Variants in QPRT observed in about 807,000 individuals in gnomAD.
QPRT encodes the protein nicotinate-nucleotide pyrophosphorylase [carboxylating].
In QPRT, 17 loss-of-function variants were observed where a neutral mutation model predicts 19.8. The ratio of observed to expected loss-of-function variants is 0.86; its 90% CI spans 0.59 to 1.29. The LOEUF (loss-of-function observed/expected upper bound fraction) is 1.29. Ranked by LOEUF, QPRT falls within the 50% of genes most tolerant of loss-of-function variation. QPRT has a pLI of 0.00. For synonymous variants in QPRT, 178 were observed against 191.0 expected (o/e 0.93, Z 0.56); for missense variants, 336 against 405.1 (o/e 0.83, Z 1.46).
chr16:29,691,364 C>CA (rs537664108), intron 1 of QPRT, among the ~76,000 whole-genome samples: 13,467 of 51,586 alleles, frequency 0.26, 3,130 homozygotes, highest in East Asian at 0.38. Flanking sequence ...AGCTCTGCAT[C>CA]AAAAAAAAAA....
At position 29,697,473 on chromosome 16, in the gene QPRT, G is replaced by T. The variant is rs1373305358; in HGVS notation, c.*62G>T. ...AACGTGGCTCCTCAGGACCCTCTGG[G>T]TCACACATCTTTAGGGTCAGTGGCC... On this transcript the variant is annotated 3_prime_UTR_variant, in exon 4 of 4. Transcript: ENST00000395384. This position sits in a 1 kb window ranked among gnomAD's most constrained non-coding sequence, Gnocchi z 4.4. 1.3e-6 allele frequency: 2 copies of T among 1,511,140 alleles called. No individual in the cohort carries two copies. The highest frequency in any genetic ancestry group is 1.8e-6 in the Non-Finnish European group (2 of 1,113,858). 93.6% of individuals were successfully genotyped at this position (1,511,140 alleles called of 1,614,324 possible).
At chr16:29,680,477 C>A (rs1334228199) in intron 1 of QPRT, among the ~76,000 whole-genome samples, 1 of 152,132 alleles carries the variant, frequency 6.6e-6, no homozygotes, top group African/African-American at 2.4e-5. Context: ...AGGTGTCCTA[C>A]ACAGGGGTGG....
At chr16:29,691,592 C>T (rs1967336425) in intron 1 of QPRT, among the ~76,000 whole-genome samples, 1 of 151,932 alleles carries the variant, frequency 6.6e-6, no homozygotes, top group African/African-American at 2.4e-5. Context: ...GAAGCTGAGG[C>T]GAGAGGATTG....
Position 29,692,755 on chromosome 16 carries a change from A to T in QPRT, c.14-1909A>T, listed in dbSNP as rs549603891. 1.0e-3 allele frequency among the ~76,000 whole-genome samples: 156 copies of T among 151,732 alleles called. 1 individual carries two copies. The highest frequency in any genetic ancestry group is 3.7e-3 in the African/African-American group (152 of 41,422). On this transcript the variant is annotated intron_variant, in intron 1 of 3. Coordinates refer to ENST00000395384, the MANE Select transcript of QPRT (RefSeq NM_014298.6). ...GACAGAGCGAGACTCCGTCTCAAAAAAACAAATAAATAAATAAATCAGGTT... is the reference window on the plus strand; with the variant it reads ...GACAGAGCGAGACTCCGTCTCAAAATAACAAATAAATAAATAAATCAGGTT...
intron 1 of QPRT, among the ~76,000 whole-genome samples, chr16:29,690,692 G>C (rs554727013): frequency 6.6e-6 from 1 of 152,084 alleles, no homozygotes; most frequent in East Asian, 1.9e-4. Context: ...ATCAGTAGTT[G>C]GTTTCTTCTT....
In QPRT at chr16:29,694,796, A is replaced by T. The variant is rs1243764468; in HGVS notation, c.146A>T (p.Lys49Ile). 2.5e-6 allele frequency: 4 copies of T among 1,614,028 alleles called. No homozygotes were observed. Among genetic ancestry groups the T allele is most frequent in the East Asian group, 2.2e-5 (1 of 44,882 alleles). Residue 49 changes from lysine (K) to isoleucine (I), a missense_variant, in exon 2 of 4, where the codon AAA (lysine) becomes ATA (isoleucine). Coordinates refer to ENST00000395384, the MANE Select transcript of QPRT (RefSeq NM_014298.6). ...AGPSQAALWA[K>I]SPGVLAGQPF... Reference sequence around the variant, plus strand: ...CCCTCGCAGGCGGCGCTGTGGGCCAAATCCCCTGGGGTACTGGCAGGGCAG... The same window carrying T: ...CCCTCGCAGGCGGCGCTGTGGGCCATATCCCCTGGGGTACTGGCAGGGCAG...
chr16:29,696,945 T>A, intron 2 of QPRT, 51 bp from the exon 3 acceptor site: 1 of 1,525,766 alleles, frequency 6.6e-7, no homozygotes, highest in Non-Finnish European at 8.8e-7. Context: ...TGCGCCCCAG[T>A]GCCAGGTGCT....
intron 1 of QPRT, among the ~76,000 whole-genome samples, chr16:29,683,136 C>G (rs1967061984): frequency 1.3e-5 from 2 of 151,688 alleles, no homozygotes. Flanking sequence ...GCGATTCTCT[C>G]ACCCCAGTCT....
At chr16:29,683,093 C>T (rs11644909) in intron 1 of QPRT, among the ~76,000 whole-genome samples, 48,499 of 149,638 alleles carry the variant, frequency 0.32, 8,674 homozygotes, top group Middle Eastern at 0.48. Flanking sequence ...GGCGCAACCT[C>T]GGCTCACTGC....
At chr16:29,694,583 CTGGT>C (rs1217859911) in intron 1 of QPRT, 77 bp from the exon 2 acceptor site, 4 of 1,431,416 alleles carry the variant, frequency 2.8e-6, no homozygotes, top group Non-Finnish European at 3.7e-6. Flanking sequence ...CCCAGTTTCA[CTGGT>C]TGTTAAATAT....
chr16:29,681,538 C>T (rs1455480962), intron 1 of QPRT, among the ~76,000 whole-genome samples: 3 of 114,836 alleles, frequency 2.6e-5, no homozygotes, highest in African/African-American at 1.0e-4. Flanking sequence ...GCCCTGTTGT[C>T]CAGGCTGGAG....
At chr16:29,679,237 C>T (rs781105589) in intron 1 of QPRT, 27 bp downstream of exon 1, 7 of 1,577,108 alleles carry the variant, frequency 4.4e-6, no homozygotes, top group Middle Eastern at 1.7e-4. Context: ...TCTGCCATGT[C>T]CCTGCACCCA....
At chr16:29,681,735 T>G (rs1388453106) in intron 1 of QPRT, among the ~76,000 whole-genome samples, 3 of 149,942 alleles carry the variant, frequency 2.0e-5, no homozygotes, top group Non-Finnish European at 4.4e-5. Flanking sequence ...CTTTTTTTTT[T>G]TTTTTCGAGA....
chr16:29,686,579 C>T (rs929713668), intron 1 of QPRT, among the ~76,000 whole-genome samples: 1 of 152,254 alleles, frequency 6.6e-6, no homozygotes, highest in Non-Finnish European at 1.5e-5. Context: ...TCACTGCAAC[C>T]TCCGCCTCCC....
chr16:29,692,424 C>A (rs1044069268), intron 1 of QPRT, among the ~76,000 whole-genome samples: 2 of 151,798 alleles, frequency 1.3e-5, no homozygotes, highest in Admixed American at 6.6e-5. Flanking sequence ...ACTAAAAACA[C>A]AAAAAAATTA....
intron 1 of QPRT, among the ~76,000 whole-genome samples, chr16:29,683,189 T>G (rs1967064064): frequency 6.6e-6 from 1 of 151,824 alleles, no homozygotes; most frequent in African/African-American, 2.4e-5. Context: ...CACACATGGA[T>G]AAATTTTGTA....
intron 1 of QPRT, among the ~76,000 whole-genome samples, chr16:29,679,460 G>A (rs1886923787): frequency 6.6e-6 from 1 of 152,156 alleles, no homozygotes; most frequent in South Asian, 2.1e-4. Context: ...TTAAGCCCTA[G>A]AAAAGGGCAG....
At position 29,697,186 on chromosome 16, in the gene QPRT, T is replaced by G; in HGVS notation, c.682-13T>G. 6.2e-7 allele frequency: 1 copy of G among 1,602,690 alleles called. No individual in the cohort carries two copies. The highest frequency in any genetic ancestry group is 8.5e-7 in the Non-Finnish European group (1 of 1,171,906). ...TGGTGGGCTCTTACCTCCCCTTGGC[T>G]TGTGTCCCGCAGGAGCTGCACCCCA... On this transcript the variant is annotated splice_polypyrimidine_tract_variant and intron_variant, in intron 3 of 3. Coordinates refer to ENST00000395384, the MANE Select transcript of QPRT (RefSeq NM_014298.6). This position sits in a 1 kb window ranked among gnomAD's most constrained non-coding sequence, Gnocchi z 4.4.
At chr16:29,693,931 G>C (rs1286181660) in intron 1 of QPRT, among the ~76,000 whole-genome samples, 2 of 151,624 alleles carry the variant, frequency 1.3e-5, no homozygotes, top group East Asian at 3.9e-4. Flanking sequence ...GCTGCAACTG[G>C]TGAGTATTGG....
Sources: gnomAD v4.1 joint callset for allele counts (sites outside exome capture counted in the v4.1 genomes callset) on GRCh38, gnomAD v4.1.1 for gene constraint, Gnocchi (gnomAD v3.1) non-coding constraint, MANE v1.5 for transcripts, NCBI Gene and HGNC (gene_info 2026-07-23, HGNC 2026-07-21) for gene names.